The following CPXM2 variants were observed in gnomAD, a reference collection of about 807,000 sequenced individuals.
CPXM2 encodes inactive carboxypeptidase-like protein X2.
Under a neutral mutation model 86.1 loss-of-function variants are expected in CPXM2, and 66 were observed. The observed-to-expected ratio is 0.77, with a 90% confidence interval of 0.63 to 0.94. The LOEUF (loss-of-function observed/expected upper bound fraction) is 0.94, where lower values mean the gene tolerates loss of function less well. Among genes scored for constraint, CPXM2 ranks in the 40% least tolerant of loss-of-function variants. The probability of loss-of-function intolerance (pLI) is 0.00; values close to 1 mark genes in which losing one functional copy is unlikely to be tolerated. For synonymous variants in CPXM2, 388 were observed against 400.2 expected, an observed-to-expected ratio of 0.97 and a Z score of 0.36; for missense variants, 948 against 1,026.3, an observed-to-expected ratio of 0.92 and a Z score of 1.04.
intron 4 of CPXM2, among the ~76,000 whole-genome samples, chr10:123,840,209 T>C (rs1002431810): frequency 1.3e-5 from 2 of 152,230 alleles, no homozygotes; most frequent in Admixed American, 6.5e-5. Context: ...GCAACCCAAC[T>C]GCCCCCTTAA....
intron 8 of CPXM2, chr10:123,769,587 G>C (rs1180333417): frequency 6.6e-6 from 1 of 151,758 alleles, no homozygotes; most frequent in African/African-American, 2.4e-5. Context: ...GTCTCAAAAA[G>C]AGAAAAAAAA....
intron 2 of CPXM2, among the ~76,000 whole-genome samples, chr10:123,935,586 T>C (rs1181929498): frequency 6.6e-6 from 1 of 152,196 alleles, no homozygotes; most frequent in East Asian, 1.9e-4. Context: ...GCTCCTCCCA[T>C]AGTGGTTGGT....
At position 123,798,119 on chromosome 10, in the gene CPXM2, T is replaced by G. The variant is rs561979130; in HGVS notation, c.746A>C (p.Glu249Ala). Residue 249 changes from glutamate (E) to alanine (A), a missense_variant, in exon 6 of 14, where the codon GAG (glutamate) becomes GCG (alanine). Physicochemically the swap from Glu to Ala is moderately radical, Grantham distance 107. Transcript: ENST00000241305. ...VKNGSGDMIF[E>A]GNSEKEIPVL... ...AGGGATCTCCTTCTCACTGTTTCCCTCAAATATCTATTTATGCTCATGGGA... is the reference window on the plus strand; with the variant it reads ...AGGGATCTCCTTCTCACTGTTTCCCGCAAATATCTATTTATGCTCATGGGA... The G allele has an allele frequency of 1.1e-5, 17 of 1,602,932 alleles. No individual in the cohort carries two copies. The South Asian group carries it at 1.8e-4, about 17-fold the overall frequency.
rs1218752376 is a variant in CPXM2 at position 123,754,794 on chromosome 10, T to G, written c.1918-32A>C. 1 of 1,263,634 alleles carries G rather than the reference T, an allele frequency of 7.9e-7. No homozygotes were observed. Among genetic ancestry groups the G allele is most frequent in the Non-Finnish European group, 1.2e-6 (1 of 860,222 alleles). The allele number at this position is 1,263,634 out of a possible 1,614,324, so 78.3% of individuals were successfully genotyped here. Reference sequence around the variant, plus strand: ...AGCAAACATGAGACACAGGGTGAGGTCACCGACCAGCTCTGGACACAACCG... The same window carrying G: ...AGCAAACATGAGACACAGGGTGAGGGCACCGACCAGCTCTGGACACAACCG... On this transcript the variant is annotated intron_variant, in intron 12 of 13. Transcript: ENST00000241305. This position sits in a 1 kb window ranked among gnomAD's most constrained non-coding sequence, Gnocchi z 4.0.
At chr10:123,934,260 TCTC>T (rs1564825977) in intron 2 of CPXM2, among the ~76,000 whole-genome samples, 1 of 152,114 alleles carries the variant, frequency 6.6e-6, no homozygotes, top group African/African-American at 2.4e-5. Flanking sequence ...AGAAAGGTCT[TCTC>T]TCACAGTTCT....
chr10:123,905,294 G>A (rs1478514284), intron 2 of CPXM2, among the ~76,000 whole-genome samples: 2 of 152,226 alleles, frequency 1.3e-5, no homozygotes, highest in African/African-American at 4.8e-5. Flanking sequence ...CGAGCAGCTT[G>A]ACTGCCCTGC....
At chr10:123,912,883 A>T (rs937416714) in intron 2 of CPXM2, among the ~76,000 whole-genome samples, 1 of 152,244 alleles carries the variant, frequency 6.6e-6, no homozygotes, top group Non-Finnish European at 1.5e-5. Context: ...CCAACTAGGT[A>T]TAGAGGGTCA....
chr10:123,872,958 G>A (rs1288127436), intron 2 of CPXM2, among the ~76,000 whole-genome samples: 1 of 151,658 alleles, frequency 6.6e-6, no homozygotes, highest in Non-Finnish European at 1.5e-5. Context: ...AAAAGGATAA[G>A]CAGAAAAATA....
intron 4 of CPXM2, among the ~76,000 whole-genome samples, chr10:123,804,914 T>C (rs1448466177): frequency 6.6e-6 from 1 of 152,192 alleles, no homozygotes; most frequent in East Asian, 1.9e-4. Context: ...GGATGTTTGA[T>C]GCTGCTGGCA....
intron 4 of CPXM2, among the ~76,000 whole-genome samples, chr10:123,830,579 G>A (rs1354845804): frequency 3.3e-5 from 5 of 152,208 alleles, no homozygotes; most frequent in South Asian, 4.1e-4. Context: ...AGCTTTCCTC[G>A]TTTTTTAGGC....
At chr10:123,887,583 T>C (rs1268599708) in intron 1 of CPXM2, among the ~76,000 whole-genome samples, 2 of 152,202 alleles carry the variant, frequency 1.3e-5, no homozygotes, top group Non-Finnish European at 2.9e-5. Flanking sequence ...GGAGACATTT[T>C]TGGTTGTGAC....
intron 6 of CPXM2, among the ~76,000 whole-genome samples, chr10:123,785,012 A>G (rs1485281670): frequency 6.6e-6 from 1 of 152,210 alleles, no homozygotes; most frequent in Non-Finnish European, 1.5e-5. Flanking sequence ...CTTCATTTAC[A>G]TAGGGCGTAC....
intron 4 of CPXM2, among the ~76,000 whole-genome samples, chr10:123,834,843 T>C (rs773008162): frequency 7.9e-5 from 12 of 152,220 alleles, no homozygotes; most frequent in Admixed American, 3.3e-4. Flanking sequence ...CTTGCTCTAT[T>C]AGTTTCCCCA....
At chr10:123,909,936 G>T (rs895212075) in intron 2 of CPXM2, among the ~76,000 whole-genome samples, 5 of 152,174 alleles carry the variant, frequency 3.3e-5, no homozygotes, top group African/African-American at 1.2e-4. Flanking sequence ...TGGAAACAAA[G>T]ATGCCCTCGA....
intron 1 of CPXM2, chr10:123,887,158 C>G (rs1945190418): frequency 3.9e-5 from 6 of 152,196 alleles, no homozygotes; most frequent in Admixed American, 3.9e-4. Context: ...TACTCTTCAT[C>G]CACTGAATGG....
At chr10:123,783,586 A>G (rs900726053) in intron 6 of CPXM2, among the ~76,000 whole-genome samples, 1 of 152,140 alleles carries the variant, frequency 6.6e-6, no homozygotes, top group Non-Finnish European at 1.5e-5. Flanking sequence ...TGTGTGGCCA[A>G]CCTGCCAGTC....
At chr10:123,819,448 A>G (rs932343116) in intron 4 of CPXM2, among the ~76,000 whole-genome samples, 23 of 152,248 alleles carry the variant, frequency 1.5e-4, no homozygotes, top group African/African-American at 4.6e-4. Context: ...AATACCATCT[A>G]CGACCATGTG....
intron 1 of CPXM2, among the ~76,000 whole-genome samples, chr10:123,882,817 C>T (rs1945114614): frequency 6.8e-6 from 1 of 147,442 alleles, no homozygotes; most frequent in African/African-American, 2.5e-5. Flanking sequence ...CTGAAAAACC[C>T]CCAACTCCAC....
At chr10:123,908,020 A>G (rs1339832092) in intron 2 of CPXM2, among the ~76,000 whole-genome samples, 2 of 152,112 alleles carry the variant, frequency 1.3e-5, no homozygotes, top group African/African-American at 2.4e-5. Flanking sequence ...TCAATAGGAG[A>G]CTTTAAACAG....
Sources: gnomAD v4.1 joint callset for allele counts (sites outside exome capture counted in the v4.1 genomes callset) on GRCh38, gnomAD v4.1.1 for gene constraint, Gnocchi (gnomAD v3.1) non-coding constraint, MANE v1.5 for transcripts, NCBI Gene and HGNC (gene_info 2026-07-23, HGNC 2026-07-21) for gene names.